TUSC3: variants seen among roughly 807,000 people sequenced by gnomAD.
The protein encoded by TUSC3 is tumor suppressor candidate 3, also known as dolichyl-diphosphooligosaccharide--protein glycosyltransferase subunit TUSC3.
In TUSC3, 45 loss-of-function variants were observed where a neutral mutation model predicts 44.8. The observed-to-expected ratio is 1.00, with a 90% CI of 0.79 to 1.29. TUSC3 has a LOEUF of 1.29. TUSC3 is among the 50% of genes most tolerant of loss of function. TUSC3 has a pLI of 0.00. For synonymous variants in TUSC3, 212 were observed against 152.9 expected (o/e 1.39, Z -2.85); for missense variants, 519 against 437.9 (o/e 1.19, Z -1.65).
At chr8:15,440,920 C>A (rs1175946982) in intron 1 of TUSC3, among the ~76,000 whole-genome samples, 1 of 152,142 alleles carries the variant, frequency 6.6e-6, no homozygotes, top group African/African-American at 2.4e-5. Context: ...AAACCATTGC[C>A]AAGTTATGTT....
At chr8:15,760,398 T>C (rs115961160) in intron 10 of TUSC3, among the ~76,000 whole-genome samples, 2 of 152,196 alleles carry the variant, frequency 1.3e-5, no homozygotes, top group Admixed American at 1.3e-4. Context: ...TATATGATTT[T>C]ACACCTATGT....
the TUSC3 span, among the ~76,000 whole-genome samples, chr8:15,828,533 T>G: frequency 6.6e-6 from 1 of 152,228 alleles, no homozygotes; most frequent in African/African-American, 2.4e-5. Context: ...TTTTAGAAAG[T>G]AGTAAACAAA....
At chr8:15,711,254 A>G (rs2129199740) in intron 6 of TUSC3, among the ~76,000 whole-genome samples, 1 of 151,884 alleles carries the variant, frequency 6.6e-6, no homozygotes, top group African/African-American at 2.4e-5. Flanking sequence ...GCAGTATTTT[A>G]AGGGTTCTCT....
the TUSC3 span, among the ~76,000 whole-genome samples, chr8:15,818,428 T>C: frequency 1.3e-5 from 2 of 152,220 alleles, no homozygotes; most frequent in Non-Finnish European, 1.5e-5. Flanking sequence ...AAATGTACTC[T>C]ATTTTTAATT....
chr8:15,683,497 G>T (rs1210585061), intron 6 of TUSC3, among the ~76,000 whole-genome samples: 2 of 151,940 alleles, frequency 1.3e-5, no homozygotes, highest in African/African-American at 2.4e-5. Flanking sequence ...CAGAAGTTTA[G>T]TTTGTTTCTT....
intron 7 of TUSC3, among the ~76,000 whole-genome samples, chr8:15,741,741 T>C (rs1811206131): frequency 6.6e-6 from 1 of 152,164 alleles, no homozygotes. Context: ...TGCAATTCTA[T>C]TTGAATTATT....
At chr8:15,634,289 T>A (rs1563145192) in intron 2 of TUSC3, among the ~76,000 whole-genome samples, 1 of 152,154 alleles carries the variant, frequency 6.6e-6, no homozygotes, top group Non-Finnish European at 1.5e-5. Flanking sequence ...GGCTGGCTGG[T>A]AGACTTTGGT....
At chr8:15,576,335 G>C (rs559335310) in intron 1 of TUSC3, among the ~76,000 whole-genome samples, 12 of 113,894 alleles carry the variant, frequency 1.1e-4, no homozygotes, top group African/African-American at 4.0e-4. Context: ...TATACTTTAA[G>C]TTTTAGGGTA....
intron 1 of TUSC3, among the ~76,000 whole-genome samples, chr8:15,471,678 T>G (rs1800496172): frequency 6.6e-6 from 1 of 151,724 alleles, no homozygotes; most frequent in South Asian, 2.1e-4. Context: ...AGAACAATCG[T>G]GTGATCTCAG....
chr8:15,720,905 C>T (rs1335141783), intron 6 of TUSC3, among the ~76,000 whole-genome samples: 1 of 151,940 alleles, frequency 6.6e-6, no homozygotes, highest in Non-Finnish European at 1.5e-5. Context: ...AGAGTAATTC[C>T]CTGGCCACCC....
At chr8:15,614,935 CAAAAAA>C in intron 1 of TUSC3, among the ~76,000 whole-genome samples, 1 of 133,210 alleles carries the variant, frequency 7.5e-6, no homozygotes, top group East Asian at 2.2e-4. Flanking sequence ...TTAAAAAGAC[CAAAAAA>C]AAAAAAAAAA....
rs369218287 is a variant in TUSC3, at chr8:15,515,816, C to G, written n.189+32333C>G. 1.8e-3 allele frequency among the ~76,000 whole-genome samples: 275 copies of G among 152,066 alleles called. 3 individuals are homozygous for G. Among genetic ancestry groups the G allele is most frequent in the African/African-American group, 6.4e-3 (264 of 41,496 alleles). The stretch of plus-strand genomic sequence containing the variant: ...CCAAGTAGCTGGGACTACAGTCTCT[C>G]GCCACCACACCCGGCTATTTTTTTT... On this transcript the variant is annotated intron_variant and non_coding_transcript_variant, in intron 2 of 5. Transcript: ENST00000503191.
At chr8:15,577,849 G>A (rs1386669020) in intron 1 of TUSC3, among the ~76,000 whole-genome samples, 1,524 of 147,738 alleles carry the variant, frequency 0.01, 28 homozygotes, top group African/African-American at 0.037. Context: ...AATTCTGTGA[G>A]GAAAGTCATT....
intron 1 of TUSC3, among the ~76,000 whole-genome samples, chr8:15,575,817 T>A (rs1393264171): frequency 1.3e-5 from 2 of 152,130 alleles, no homozygotes; most frequent in Admixed American, 6.6e-5. Context: ...ATATTATACA[T>A]AGTTTATATC....
the TUSC3 span, among the ~76,000 whole-genome samples, chr8:15,830,968 C>G: frequency 6.6e-6 from 1 of 150,510 alleles, no homozygotes; most frequent in East Asian, 2.0e-4. Flanking sequence ...CTGTCACTGC[C>G]ACCACTGCTG....
At chr8:15,666,240 T>A (rs563898155) in intron 5 of TUSC3, among the ~76,000 whole-genome samples, 17 of 151,546 alleles carry the variant, frequency 1.1e-4, no homozygotes, top group African/African-American at 3.6e-4. Flanking sequence ...GCAATAACAT[T>A]CATTTCAAAT....
chr8:15,664,355 A>G (rs752587569), intron 5 of TUSC3, among the ~76,000 whole-genome samples: 2 of 151,522 alleles, frequency 1.3e-5, no homozygotes, highest in Non-Finnish European at 3.0e-5. Flanking sequence ...AAATAAATTC[A>G]TAGAAGAACT....
At position 15,678,245 on chromosome 8, in the gene TUSC3, G is replaced by A. The variant is rs865822477; in HGVS notation, c.798+4409G>A. Among the ~76,000 whole-genome samples the A allele has an allele frequency of 3.9e-5, 6 of 152,266 alleles. No homozygotes were observed. In the Middle Eastern group the frequency reaches 0.01, roughly 259 times the overall value. On this transcript the variant is annotated intron_variant, in intron 6 of 10. Coordinates refer to ENST00000503731, the MANE Select transcript of TUSC3 (RefSeq NM_006765.4). ...AGTTATTACTTCTCCAGCACTGGTG[G>A]ACTTTGTCTGTCAAAGAAAGCCATC...
intron 2 of TUSC3, among the ~76,000 whole-genome samples, chr8:15,630,249 T>A (rs1336325524): frequency 6.6e-6 from 1 of 152,072 alleles, no homozygotes; most frequent in African/African-American, 2.4e-5. Context: ...AACCAAAGTT[T>A]TGGTGATGTG....
Sources: allele counts gnomAD v4.1 joint callset (sites outside exome capture counted in the v4.1 genomes callset), GRCh38; gene constraint gnomAD v4.1.1; transcripts MANE v1.5; gene names NCBI Gene and HGNC (gene_info 2026-07-23, HGNC 2026-07-21).